The following SGMS1 variants were observed in gnomAD, a reference collection of about 807,000 sequenced individuals.
SGMS1 encodes the protein sphingomyelin synthase 1.
A neutral mutation model predicts 46.2 loss-of-function variants in SGMS1; 13 were observed. That is an observed-to-expected ratio of 0.28 (90% CI 0.18 to 0.45). The LOEUF is 0.45. Ranked by LOEUF, SGMS1 falls within the 20% of genes least tolerant of loss-of-function variation. The pLI, the probability that SGMS1 is intolerant of heterozygous loss-of-function variation, is 1.00. For synonymous variants in SGMS1, 203 were observed against 187.8 expected, an observed-to-expected ratio of 1.08 and a Z score of -0.66; for missense variants, 324 against 519.9, an observed-to-expected ratio of 0.62 and a Z score of 3.66.
intron 7 of SGMS1, among the ~76,000 whole-genome samples, chr10:50,332,281 C>A (rs899262627): frequency 6.6e-6 from 1 of 152,114 alleles, no homozygotes; most frequent in African/African-American, 2.4e-5. Flanking sequence ...TCTGAGCCAG[C>A]CATTCTCTCT....
chr10:50,385,147 A>C (rs929559271), intron 6 of SGMS1, among the ~76,000 whole-genome samples: 1 of 152,132 alleles, frequency 6.6e-6, no homozygotes, highest in East Asian at 1.9e-4. Context: ...TTTTGGCAAG[A>C]ATGCCCCAGA....
chr10:50,443,717 A>G (rs1302615494), intron 5 of SGMS1, among the ~76,000 whole-genome samples: 1 of 152,136 alleles, frequency 6.6e-6, no homozygotes, highest in African/African-American at 2.4e-5. Flanking sequence ...CCTTGGAAAT[A>G]ATACATTGTA....
At chr10:50,606,924 G>A (rs965030872) in intron 1 of SGMS1, among the ~76,000 whole-genome samples, 1 of 151,294 alleles carries the variant, frequency 6.6e-6, no homozygotes, top group Non-Finnish European at 1.5e-5. Context: ...TACCAAAGAT[G>A]TTCAAAGATG....
intron 2 of SGMS1, among the ~76,000 whole-genome samples, chr10:50,554,472 C>A (rs1426909146): frequency 6.6e-6 from 1 of 151,944 alleles, no homozygotes; most frequent in Admixed American, 6.5e-5. Flanking sequence ...GTCAATGGAG[C>A]CAGGCAGGGA....
At chr10:50,444,158 G>A (rs1836978172) in intron 5 of SGMS1, among the ~76,000 whole-genome samples, 1 of 152,060 alleles carries the variant, frequency 6.6e-6, no homozygotes, top group South Asian at 2.1e-4. Flanking sequence ...AATGTAAATA[G>A]ACTAAACATT....
At chr10:50,393,085 A>T (rs1305583340) in intron 6 of SGMS1, among the ~76,000 whole-genome samples, 1 of 152,084 alleles carries the variant, frequency 6.6e-6, no homozygotes, top group African/African-American at 2.4e-5. Flanking sequence ...TGCTGAGCAG[A>T]GGAGCCACTA....
intron 3 of SGMS1, among the ~76,000 whole-genome samples, chr10:50,500,521 A>G (rs1182224180): frequency 6.6e-6 from 1 of 152,226 alleles, no homozygotes; most frequent in African/African-American, 2.4e-5. Context: ...CAGACCCTCT[A>G]TGAGTGTGTG....
intron 5 of SGMS1, among the ~76,000 whole-genome samples, chr10:50,441,016 G>C (rs1849540251): frequency 6.6e-6 from 1 of 152,220 alleles, no homozygotes; most frequent in Non-Finnish European, 1.5e-5. Context: ...GAGGGAGCTA[G>C]AATAGAGTTA....
chr10:50,624,200 A>T (rs181290195), upstream of SGMS1: 68 of 828,180 alleles, frequency 8.2e-5, no homozygotes, highest in African/African-American at 9.2e-4. Flanking sequence ...TTAGGGGCCC[A>T]CTAAGTAAGG....
intron 6 of SGMS1, among the ~76,000 whole-genome samples, chr10:50,412,705 GAC>G (rs138049916): frequency 0.031 from 4,770 of 152,220 alleles, 232 homozygotes; most frequent in African/African-American, 0.11. Flanking sequence ...ATATTTAAGA[GAC>G]ATAATATCAA....
At chr10:50,311,197 C>T in intron 9 of SGMS1, 65 bp downstream of exon 9, 1 of 1,557,312 alleles carries the variant, frequency 6.4e-7, no homozygotes, top group South Asian at 1.2e-5. Flanking sequence ...TGAGCTTTAC[C>T]AGAGGACCAG....
At chr10:50,523,143 C>T (rs989088023) in intron 2 of SGMS1, among the ~76,000 whole-genome samples, 3 of 152,232 alleles carry the variant, frequency 2.0e-5, no homozygotes, top group African/African-American at 7.2e-5. Flanking sequence ...CTGAAAACCA[C>T]AGCCTCATAG....
At chr10:50,617,881 A>ATTTT (rs1232490399) in intron 1 of SGMS1, among the ~76,000 whole-genome samples, 1 of 134,278 alleles carries the variant, frequency 7.4e-6, no homozygotes, top group African/African-American at 2.8e-5. Context: ...CCCTGGCTTA[A>ATTTT]TTTTTTTTTT....
At chr10:50,440,251 C>G (rs1270969915) in intron 5 of SGMS1, among the ~76,000 whole-genome samples, 1 of 151,486 alleles carries the variant, frequency 6.6e-6, no homozygotes, top group Admixed American at 6.6e-5. Flanking sequence ...TGTTACAGAA[C>G]TCTCCCAGCA....
At chr10:50,555,012 G>T (rs865924565) in intron 2 of SGMS1, among the ~76,000 whole-genome samples, 2 of 152,218 alleles carry the variant, frequency 1.3e-5, no homozygotes, top group African/African-American at 2.4e-5. Flanking sequence ...AGAGGTCCTG[G>T]ACACCTCTAA....
At chr10:50,421,929 G>A (rs933129037) in intron 6 of SGMS1, among the ~76,000 whole-genome samples, 1 of 152,178 alleles carries the variant, frequency 6.6e-6, no homozygotes, top group Admixed American at 6.5e-5. Flanking sequence ...AGGTGACAGA[G>A]TTTCATTCAA....
chr10:50,452,669 A>T lies in SGMS1; in HGVS notation c.-313+8004T>A, dbSNP rs1160800069. On this transcript the variant is annotated intron_variant, in intron 5 of 10. Coordinates refer to ENST00000361781, the MANE Select transcript of SGMS1 (RefSeq NM_147156.4). ...TGAATTTCCATTATAATGATTGTAC[A>T]GAGCAAGAGAGAGAAAAGATAAAAC... 2.0e-5 allele frequency among the ~76,000 whole-genome samples: 3 copies of T among 152,220 alleles called. No homozygotes were observed. The South Asian group carries it at 6.2e-4, about 32-fold the overall frequency.
At chr10:50,336,894 G>A (rs985629325) in intron 7 of SGMS1, among the ~76,000 whole-genome samples, 1 of 152,164 alleles carries the variant, frequency 6.6e-6, no homozygotes, top group Non-Finnish European at 1.5e-5. Context: ...AAATCAGTTA[G>A]TTTGGAACCT....
chr10:50,406,974 C>T (rs543099878), intron 6 of SGMS1, among the ~76,000 whole-genome samples: 1 of 152,250 alleles, frequency 6.6e-6, no homozygotes, highest in African/African-American at 2.4e-5. Flanking sequence ...CCTTGGCCTC[C>T]CAAAGCAGTG....
Sources: gnomAD v4.1 joint callset for allele counts (sites outside exome capture counted in the v4.1 genomes callset) on GRCh38, gnomAD v4.1.1 for gene constraint, MANE v1.5 for transcripts, NCBI Gene and HGNC (gene_info 2026-07-23, HGNC 2026-07-21) for gene names.